Variants in ARFGEF1 observed in about 807,000 individuals in gnomAD.
The protein encoded by ARFGEF1 is brefeldin A-inhibited guanine nucleotide-exchange protein 1.
A neutral mutation model predicts 231.0 loss-of-function variants in ARFGEF1; 42 were observed. That is an observed-to-expected ratio of 0.18 (90% CI 0.14 to 0.24). The LOEUF (loss-of-function observed/expected upper bound fraction) is 0.24, where lower values mean the gene tolerates loss of function less well. ARFGEF1 is among the 10% of genes least tolerant of loss of function. The pLI is 1.00. For synonymous variants in ARFGEF1, 710 were observed against 732.3 expected, an observed-to-expected ratio of 0.97 and a Z score of 0.49; for missense variants, 1,345 against 2,192.0, an observed-to-expected ratio of 0.61 and a Z score of 7.72.
At chr8:67,337,936 G>C (rs1408403231) in intron 1 of ARFGEF1, among the ~76,000 whole-genome samples, 3 of 152,204 alleles carry the variant, frequency 2.0e-5, no homozygotes, top group Non-Finnish European at 4.4e-5. Flanking sequence ...ACAAATATCT[G>C]ATTGAAATAT....
chr8:67,337,318 G>T (rs1247677760), intron 1 of ARFGEF1, among the ~76,000 whole-genome samples: 1 of 151,934 alleles, frequency 6.6e-6, no homozygotes, highest in Non-Finnish European at 1.5e-5. Flanking sequence ...CTATCCTAGT[G>T]TCCCCCATTG....
intron 10 of ARFGEF1, among the ~76,000 whole-genome samples, chr8:67,269,928 T>C (rs902679581): frequency 1.1e-4 from 17 of 152,096 alleles, no homozygotes; most frequent in African/African-American, 3.9e-4. Flanking sequence ...GATATCTAGA[T>C]CTAAGAATTT....
At chr8:67,265,335 A>T (rs1804807792) in intron 14 of ARFGEF1, among the ~76,000 whole-genome samples, 1 of 152,180 alleles carries the variant, frequency 6.6e-6, no homozygotes, top group Non-Finnish European at 1.5e-5. Context: ...ACACAGGGGA[A>T]TTTTTAAGTT....
At chr8:67,311,612 T>TG (rs1208329779) in intron 1 of ARFGEF1, among the ~76,000 whole-genome samples, 103 of 90,498 alleles carry the variant, frequency 1.1e-3, no homozygotes, top group Non-Finnish European at 1.8e-3. Context: ...GGGAGGGAGG[T>TG]GGGGGGGTCA....
rs141548842 is a variant in ARFGEF1 at position 67,274,603 on chromosome 8, C to T, written c.1337+1373G>A. 1.2e-3 allele frequency among the ~76,000 whole-genome samples: 179 copies of T among 152,168 alleles called. 1 individual carries two copies. The highest frequency in any genetic ancestry group is 4.2e-3 in the African/African-American group (175 of 41,554). On this transcript the variant is annotated intron_variant, in intron 9 of 38. Transcript: ENST00000262215. ...TTCAGGAATAAATGAACATACTCCT[C>T]AAAATTCATATTATTTTCCTTTGTG...
chr8:67,232,798 A>T, intron 23 of ARFGEF1, 57 bp downstream of exon 23: 1 of 1,357,828 alleles, frequency 7.4e-7, no homozygotes, highest in Non-Finnish European at 1.0e-6. Context: ...CCAACACCTA[A>T]ATGCTAAAGA....
intron 22 of ARFGEF1, among the ~76,000 whole-genome samples, chr8:67,237,900 G>A (rs1839818777): frequency 6.6e-6 from 1 of 152,034 alleles, no homozygotes; most frequent in Non-Finnish European, 1.5e-5. Context: ...TTGTTCTACT[G>A]GTTTAAATGT....
At chr8:67,239,152 G>A (rs1839855919) in intron 20 of ARFGEF1, among the ~76,000 whole-genome samples, 1 of 151,770 alleles carries the variant, frequency 6.6e-6, no homozygotes, top group Admixed American at 6.6e-5. Flanking sequence ...GATTACAGGC[G>A]CCCACTACCA....
At chr8:67,232,972 C>G in intron 22 of ARFGEF1, 27 bp from the exon 23 acceptor site, 2 of 1,550,346 alleles carry the variant, frequency 1.3e-6, no homozygotes, top group Admixed American at 1.8e-5. Context: ...AAAGTCATTT[C>G]AGTTTGAAAA....
At chr8:67,270,520 A>G (rs559242064) in intron 10 of ARFGEF1, among the ~76,000 whole-genome samples, 70 of 152,270 alleles carry the variant, frequency 4.6e-4, no homozygotes, top group Non-Finnish European at 7.8e-4. Flanking sequence ...TATAACCTGT[A>G]TATCAAACAT....
In ARFGEF1 at chr8:67,222,176, TATACAC is replaced by T. The variant is rs1182291215; in HGVS notation, c.4209-2622_4209-2617del. Among the ~76,000 whole-genome samples, 10 of 108,622 alleles carry T rather than the reference TATACAC, an allele frequency of 9.2e-5. No homozygotes were observed. In the South Asian group the frequency reaches 1.4e-3, roughly 15 times the overall value. The allele number at this position is 108,622 out of a possible 152,430, so 71.3% of individuals were successfully genotyped here. On this transcript the variant is annotated intron_variant, in intron 29 of 38. Transcript: ENST00000262215. ...TACCTTTTCCATGCATATATATATATATACACATATATATATATATATATATATACA... is the reference window on the plus strand; with the variant it reads ...TACCTTTTCCATGCATATATATATATATATATATATATATATATATATACA...
intron 29 of ARFGEF1, among the ~76,000 whole-genome samples, chr8:67,220,863 ATTTTTACTGTGGAAAATGTCT>A (rs538334832): frequency 6.7e-6 from 1 of 149,534 alleles, no homozygotes; most frequent in East Asian, 2.0e-4. Flanking sequence ...GTTTCCAAGG[ATTTTTACTGTGGAAAATGTCT>A]TTTTTTCCTT....
intron 7 of ARFGEF1, among the ~76,000 whole-genome samples, chr8:67,281,002 T>A: frequency 6.7e-6 from 1 of 148,366 alleles, no homozygotes; most frequent in African/African-American, 2.5e-5. Flanking sequence ...GTTGCAATAA[T>A]ACACAAGAGC....
At chr8:67,240,593 C>G (rs1376466809) in intron 19 of ARFGEF1, among the ~76,000 whole-genome samples, 3 of 152,152 alleles carry the variant, frequency 2.0e-5, no homozygotes, top group South Asian at 2.1e-4. Flanking sequence ...TTTTACCCGA[C>G]TTCAGAACTC....
chr8:67,217,470 A>C (rs956546797), intron 32 of ARFGEF1, among the ~76,000 whole-genome samples: 3 of 151,916 alleles, frequency 2.0e-5, no homozygotes, highest in African/African-American at 7.2e-5. Context: ...TTTTTTTTCC[A>C]ATTCAAAACC....
chr8:67,214,006 G>C (rs1228286555), intron 33 of ARFGEF1, among the ~76,000 whole-genome samples: 1 of 152,186 alleles, frequency 6.6e-6, no homozygotes, highest in Non-Finnish European at 1.5e-5. Flanking sequence ...AAGTGGCTTT[G>C]GAACTGGGCA....
intron 37 of ARFGEF1, 83 bp downstream of exon 37, chr8:67,201,384 C>G: frequency 6.7e-7 from 1 of 1,494,436 alleles, no homozygotes. Context: ...CCTCAGCTGT[C>G]AGCATGGTCC....
At chr8:67,247,540 A>T (rs1178962179) in intron 19 of ARFGEF1, among the ~76,000 whole-genome samples, 1 of 150,152 alleles carries the variant, frequency 6.7e-6, no homozygotes, top group Non-Finnish European at 1.5e-5. Context: ...ACTCTCAAAG[A>T]AGTAGGTATA....
Position 67,320,827 on chromosome 8 carries a change from T to C in ARFGEF1, c.125-18361A>G, listed in dbSNP as rs373145167. Among the ~76,000 whole-genome samples the C allele has an allele frequency of 5.5e-4, 84 of 151,974 alleles. 2 individuals are homozygous for C. The East Asian group carries it at 0.012, about 22-fold the overall frequency. ...AAATACAAAAATTAGCCAGGCGTGG[T>C]GGCAGGCGCCTGTAATCCAGCTACT... On this transcript the variant is annotated intron_variant, in intron 1 of 38. Coordinates refer to ENST00000262215, the MANE Select transcript of ARFGEF1 (RefSeq NM_006421.5).
Sources: gnomAD v4.1 joint callset for allele counts (sites outside exome capture counted in the v4.1 genomes callset) on GRCh38, gnomAD v4.1.1 for gene constraint, MANE v1.5 for transcripts, NCBI Gene and HGNC (gene_info 2026-07-23, HGNC 2026-07-21) for gene names.